The following PRKG1 variants were observed in gnomAD, a reference collection of about 807,000 sequenced individuals.
The protein encoded by PRKG1 is protein kinase cGMP-dependent 1, also known as cGMP-dependent protein kinase 1.
Under a neutral mutation model 88.1 loss-of-function variants are expected in PRKG1, and 35 were observed. The observed-to-expected ratio is 0.40, with a 90% CI of 0.30 to 0.53. The LOEUF (loss-of-function observed/expected upper bound fraction) is 0.53, where lower values mean the gene tolerates loss of function less well. Ranked by LOEUF, PRKG1 falls within the 20% of genes least tolerant of loss-of-function variation. The pLI is 0.59. For synonymous variants in PRKG1, 303 were observed against 292.5 expected, an observed-to-expected ratio of 1.04 and a Z score of -0.37; for missense variants, 540 against 839.8, an observed-to-expected ratio of 0.64 and a Z score of 4.41.
At chr10:51,283,291 G>GA (rs950782950) in intron 2 of PRKG1, among the ~76,000 whole-genome samples, 8 of 151,940 alleles carry the variant, frequency 5.3e-5, no homozygotes, top group African/African-American at 1.9e-4. Context: ...GCTGTGAGAT[G>GA]AAAAAAAGCC....
intron 2 of PRKG1, among the ~76,000 whole-genome samples, chr10:51,367,897 T>C (rs148900536): frequency 1.2e-4 from 18 of 152,080 alleles, no homozygotes; most frequent in Non-Finnish European, 2.1e-4. Context: ...TTAATTTACA[T>C]TGCTTATTAC....
At chr10:51,111,086 C>G (rs2131896707) in intron 1 of PRKG1, among the ~76,000 whole-genome samples, 1 of 152,092 alleles carries the variant, frequency 6.6e-6, no homozygotes, top group African/African-American at 2.4e-5. Flanking sequence ...TATTTCAGTT[C>G]TGGTGAAGTA....
At chr10:51,301,888 C>T (rs915878143) in intron 2 of PRKG1, among the ~76,000 whole-genome samples, 26 of 152,132 alleles carry the variant, frequency 1.7e-4, no homozygotes, top group African/African-American at 5.6e-4. Flanking sequence ...CAGTATGAGC[C>T]GTGAGGTATC....
At chr10:51,748,672 G>A (rs1837641040) in intron 3 of PRKG1, among the ~76,000 whole-genome samples, 1 of 152,080 alleles carries the variant, frequency 6.6e-6, no homozygotes, top group South Asian at 2.1e-4. Flanking sequence ...CAAAATACGG[G>A]TCATGAAAAT....
intron 3 of PRKG1, among the ~76,000 whole-genome samples, chr10:51,520,236 T>C (rs1236870910): frequency 6.7e-6 from 1 of 148,370 alleles, no homozygotes; most frequent in Admixed American, 6.9e-5. Context: ...GTATATTGTG[T>C]ATATACATAT....
chr10:52,011,170 A>G (rs1844869389), intron 5 of PRKG1, among the ~76,000 whole-genome samples: 1 of 152,242 alleles, frequency 6.6e-6, no homozygotes, highest in African/African-American at 2.4e-5. Context: ...AACAGCCTGA[A>G]GGAAAATTTC....
In PRKG1 at chr10:51,407,837, T is replaced by C. The variant is rs138055435; in HGVS notation, c.479-59886T>C. ...ACTCTTCCTTACCTCCATTGTGGAG[T>C]AGTAGACTGATTTCATCTTGATAGT... is the stretch of plus-strand genomic sequence containing the variant. On this transcript the variant is annotated intron_variant, in intron 2 of 17. Coordinates refer to ENST00000373980, the MANE Select transcript of PRKG1 (RefSeq NM_006258.4). Among the ~76,000 whole-genome samples the C allele has an allele frequency of 6.9e-3, 1,050 of 152,232 alleles. 6 individuals carry two copies. Among genetic ancestry groups the C allele is most frequent in the African/African-American group, 0.023 (958 of 41,546 alleles).
intron 2 of PRKG1, among the ~76,000 whole-genome samples, chr10:51,321,254 G>C (rs1328572165): frequency 6.6e-6 from 1 of 152,036 alleles, no homozygotes; most frequent in Non-Finnish European, 1.5e-5. Context: ...AATCCTCCAA[G>C]ACTCAGTTAG....
chr10:52,216,712 A>G lies in PRKG1; in HGVS notation c.1077-34858A>G, dbSNP rs1840121650. On this transcript the variant is annotated intron_variant, in intron 9 of 17. Coordinates refer to ENST00000373980, the MANE Select transcript of PRKG1 (RefSeq NM_006258.4). ...AGGGAATAGAGCCTTTGGTTTTTAT[A>G]CAGTCATAGGTTTTGGTGCGGTTTT... 3.9e-5 allele frequency among the ~76,000 whole-genome samples: 6 copies of G among 152,138 alleles called. No individual in the cohort carries two copies. The South Asian group carries it at 1.2e-3, about 32-fold the overall frequency.
At chr10:52,192,439 A>G (rs1839390417) in intron 9 of PRKG1, among the ~76,000 whole-genome samples, 1 of 152,118 alleles carries the variant, frequency 6.6e-6, no homozygotes, top group South Asian at 2.1e-4. Context: ...ATATTATTTA[A>G]CTCACAGTAT....
At chr10:51,138,306 ATTC>A (rs545994654) in intron 1 of PRKG1, among the ~76,000 whole-genome samples, 182 of 152,316 alleles carry the variant, frequency 1.2e-3, no homozygotes, top group African/African-American at 4.2e-3. Context: ...TGGTGCAGTC[ATTC>A]TTCTGAATGG....
intron 2 of PRKG1, among the ~76,000 whole-genome samples, chr10:51,418,625 A>C (rs1450607520): frequency 6.6e-6 from 1 of 152,188 alleles, no homozygotes; most frequent in African/African-American, 2.4e-5. Context: ...CTCTGGACTA[A>C]TGCAACGAAT....
At chr10:52,161,303 G>A (rs1838269903) in intron 8 of PRKG1, among the ~76,000 whole-genome samples, 1 of 151,896 alleles carries the variant, frequency 6.6e-6, no homozygotes, top group Admixed American at 6.6e-5. Context: ...TGCTAAAGTT[G>A]ATTTTTCACT....
chr10:51,813,554 A>C (rs1839509934), intron 4 of PRKG1, among the ~76,000 whole-genome samples: 1 of 152,202 alleles, frequency 6.6e-6, no homozygotes, highest in Non-Finnish European at 1.5e-5. Context: ...TTATAACATC[A>C]TTTCCATTTT....
At chr10:51,690,668 C>T (rs1184336060) in intron 3 of PRKG1, among the ~76,000 whole-genome samples, 2 of 152,004 alleles carry the variant, frequency 1.3e-5, no homozygotes, top group Non-Finnish European at 2.9e-5. Context: ...TGGCTCACAC[C>T]TGTAATCCCA....
At chr10:52,159,356 A>G (rs1215825458) in intron 8 of PRKG1, among the ~76,000 whole-genome samples, 3 of 151,590 alleles carry the variant, frequency 2.0e-5, no homozygotes, top group South Asian at 4.1e-4. Context: ...GACACTTAAG[A>G]AGACCTGAAG....
At chr10:51,151,519 A>G (rs1027822946) in intron 1 of PRKG1, among the ~76,000 whole-genome samples, 2 of 151,884 alleles carry the variant, frequency 1.3e-5, no homozygotes, top group African/African-American at 4.8e-5. Context: ...TGTCAGGGCT[A>G]GGATTGAAAC....
chr10:52,080,680 G>A (rs1846749297), intron 7 of PRKG1, among the ~76,000 whole-genome samples: 1 of 151,700 alleles, frequency 6.6e-6, no homozygotes. Context: ...TTGCTATTTG[G>A]TATTTGTTTT....
chr10:51,782,065 G>T (rs1838604566), intron 3 of PRKG1, among the ~76,000 whole-genome samples: 1 of 151,888 alleles, frequency 6.6e-6, no homozygotes, highest in African/African-American at 2.4e-5. Context: ...GCAATAGAGA[G>T]ATGAAGAATT....
Sources: gnomAD v4.1 joint callset for allele counts (sites outside exome capture counted in the v4.1 genomes callset) on GRCh38, gnomAD v4.1.1 for gene constraint, MANE v1.5 for transcripts, NCBI Gene and HGNC (gene_info 2026-07-23, HGNC 2026-07-21) for gene names.